ATP6V1E1: variants seen among roughly 807,000 people sequenced by gnomAD.
ATP6V1E1 encodes V-type proton ATPase subunit E 1.
In ATP6V1E1, 21 loss-of-function variants were observed where a neutral mutation model predicts 35.2. That is an observed-to-expected ratio of 0.60 (90% CI 0.42 to 0.86). The LOEUF is 0.86. ATP6V1E1 is among the 40% of genes least tolerant of loss of function. The pLI is 0.00. For synonymous variants in ATP6V1E1, 83 were observed against 87.8 expected (o/e 0.95, Z 0.30); for missense variants, 183 against 272.6 (o/e 0.67, Z 2.32).
At chr22:17,613,157 G>A (rs2057823733) in intron 3 of ATP6V1E1, 54 bp downstream of exon 3, 9 of 1,500,800 alleles carry the variant, frequency 6.0e-6, no homozygotes, top group Non-Finnish European at 6.4e-6. Flanking sequence ...CAAAGCGCCT[G>A]CTCATGACTT....
intron 4 of ATP6V1E1, among the ~76,000 whole-genome samples, chr22:17,608,356 C>T (rs2057796594): frequency 1.3e-5 from 2 of 152,222 alleles, no homozygotes; most frequent in African/African-American, 4.8e-5. Flanking sequence ...GTGGTATGAA[C>T]TGAATGACTG....
rs554794289 is a variant in ATP6V1E1 at position 17,609,890 on chromosome 22, A to C, written c.276+2922T>G. Among the ~76,000 whole-genome samples, 162 of 152,340 alleles carry C rather than the reference A, an allele frequency of 1.1e-3. 1 individual carries two copies. The highest frequency in any genetic ancestry group is 3.8e-3 in the African/African-American group (156 of 41,586). The stretch of plus-strand genomic sequence containing the variant: ...CAGAGAGAAGGGAAAAAAGTTGAGA[A>C]GCACCGATATTGAAGTATTTGATAA... On this transcript the variant is annotated intron_variant, in intron 4 of 8. Coordinates refer to ENST00000253413, the MANE Select transcript of ATP6V1E1 (RefSeq NM_001696.4).
At chr22:17,596,680 T>A (rs1328249722) in intron 7 of ATP6V1E1, among the ~76,000 whole-genome samples, 1 of 152,076 alleles carries the variant, frequency 6.6e-6, no homozygotes, top group Non-Finnish European at 1.5e-5. Context: ...GAGTCCAAGA[T>A]TACCCAGGTA....
intron 4 of ATP6V1E1, among the ~76,000 whole-genome samples, chr22:17,609,072 G>A (rs2057800707): frequency 6.6e-6 from 1 of 151,798 alleles, no homozygotes; most frequent in South Asian, 2.1e-4. Context: ...CAGCCTGGGC[G>A]ATAGAGCGAG....
At chr22:17,609,094 A>AAAAAC (rs925075305) in intron 4 of ATP6V1E1, among the ~76,000 whole-genome samples, 13 of 148,386 alleles carry the variant, frequency 8.8e-5, no homozygotes, top group South Asian at 2.1e-4. Flanking sequence ...CTCCGTCTCA[A>AAAAAC]AAAACAAAAC....
chr22:17,595,107 G>A (rs1224695223), intron 7 of ATP6V1E1: 1 of 152,008 alleles, frequency 6.6e-6, no homozygotes. Context: ...GAGTGCAATG[G>A]TGCGATCTTG....
intron 4 of ATP6V1E1, among the ~76,000 whole-genome samples, chr22:17,608,331 A>C (rs1243433644): frequency 2.6e-5 from 4 of 152,232 alleles, no homozygotes; most frequent in Non-Finnish European, 5.9e-5. Context: ...GAGTGACTAA[A>C]TCCGGGAAAG....
chr22:17,595,117 G>C (rs1182543699), intron 7 of ATP6V1E1: 1 of 151,364 alleles, frequency 6.6e-6, no homozygotes, highest in Non-Finnish European at 1.5e-5. Flanking sequence ...GTGCGATCTT[G>C]GCTCACTGCA....
intron 4 of ATP6V1E1, among the ~76,000 whole-genome samples, chr22:17,610,449 T>C (rs961208013): frequency 5.3e-5 from 8 of 152,180 alleles, no homozygotes; most frequent in Admixed American, 4.6e-4. Context: ...TTCTATAATA[T>C]GTTAGATGAT....
At chr22:17,604,611 C>T (rs1023643471) in intron 4 of ATP6V1E1, among the ~76,000 whole-genome samples, 1 of 151,992 alleles carries the variant, frequency 6.6e-6, no homozygotes, top group Non-Finnish European at 1.5e-5. Flanking sequence ...CCTCCGCCCC[C>T]TGGGTTCAAG....
At chr22:17,628,511 C>A (rs2146325659) in intron 1 of ATP6V1E1, 92 bp downstream of exon 1, 1 of 1,551,844 alleles carries the variant, frequency 6.4e-7, no homozygotes, top group Non-Finnish European at 8.9e-7. Context: ...GGCATCTGGG[C>A]GGCTCAAGGC....
Position 17,592,598 on chromosome 22 carries a change from A to C in ATP6V1E1, c.*76T>G, listed in dbSNP as rs905196615. The stretch of plus-strand genomic sequence containing the variant: ...GCAGTGAAGAGGAAGCTACAGAGAC[A>C]TTCGTGTTTCTTCAAATATCAGAAG... On this transcript the variant is annotated 3_prime_UTR_variant, in exon 9 of 9. Transcript: ENST00000253413. 2 of 1,442,216 alleles carry C rather than the reference A, an allele frequency of 1.4e-6. No homozygotes were observed. The highest frequency in any genetic ancestry group is 2.0e-6 in the Non-Finnish European group (2 of 1,024,634). 89.3% of individuals were successfully genotyped at this position (1,442,216 alleles called of 1,614,324 possible). A position where few individuals can be genotyped will look rare whatever the true frequency, so the allele number is the denominator to read the frequency against.
At chr22:17,612,101 A>C (rs919502132) in intron 4 of ATP6V1E1, among the ~76,000 whole-genome samples, 1 of 152,116 alleles carries the variant, frequency 6.6e-6, no homozygotes, top group Non-Finnish European at 1.5e-5. Flanking sequence ...TGTTTTTTGA[A>C]CCTTATATTT....
At position 17,597,815 on chromosome 22, in the gene ATP6V1E1, G is replaced by A. The variant is rs2057740059; in HGVS notation, c.530+379C>T. Among the ~76,000 whole-genome samples the A allele has an allele frequency of 4.0e-5, 6 of 150,754 alleles. No individual in the cohort carries two copies. In the South Asian group the frequency reaches 1.2e-3, roughly 31 times the overall value. On this transcript the variant is annotated intron_variant, in intron 7 of 8. Transcript: ENST00000253413. ...TCAGCTAATTTTTGTATTTTTAGTA[G>A]AGACAGGACTGGACTATGAGCAGAG...
chr22:17,626,865 G>T (rs1483747000), intron 1 of ATP6V1E1, among the ~76,000 whole-genome samples: 1 of 151,758 alleles, frequency 6.6e-6, no homozygotes, highest in African/African-American at 2.4e-5. Context: ...ATTTTTTAGA[G>T]ATAAGGTCTA....
At chr22:17,594,171 G>A (rs2057719562) in intron 8 of ATP6V1E1, among the ~76,000 whole-genome samples, 2 of 151,956 alleles carry the variant, frequency 1.3e-5, no homozygotes, top group African/African-American at 2.4e-5. Flanking sequence ...TCCAGCCTGC[G>A]CAAAAAAGAG....
At chr22:17,611,064 T>G (rs2057813093) in intron 4 of ATP6V1E1, among the ~76,000 whole-genome samples, 1 of 152,196 alleles carries the variant, frequency 6.6e-6, no homozygotes, top group South Asian at 2.1e-4. Context: ...ACATTTAAAC[T>G]CATAGCTGAC....
At chr22:17,598,556 A>G (rs2057744938) in intron 6 of ATP6V1E1, among the ~76,000 whole-genome samples, 3 of 152,260 alleles carry the variant, frequency 2.0e-5, no homozygotes, top group Non-Finnish European at 2.9e-5. Flanking sequence ...CATTTGAAAC[A>G]TGGATCAGCA....
chr22:17,603,902 G>A (rs1349528012), intron 4 of ATP6V1E1, among the ~76,000 whole-genome samples: 6 of 152,188 alleles, frequency 3.9e-5, no homozygotes, highest in Non-Finnish European at 8.8e-5. Context: ...CACACAGACA[G>A]GGATAGACAG....
Sources: gnomAD v4.1 joint callset for allele counts (sites outside exome capture counted in the v4.1 genomes callset) on GRCh38, gnomAD v4.1.1 for gene constraint, MANE v1.5 for transcripts, NCBI Gene and HGNC (gene_info 2026-07-23, HGNC 2026-07-21) for gene names.